The following RGS22 variants were observed in gnomAD, a reference collection of about 807,000 sequenced individuals.
RGS22 encodes regulator of G-protein signaling 22.
In RGS22, 148 loss-of-function variants were observed where a neutral mutation model predicts 172.9. The observed-to-expected ratio is 0.86, with a 90% CI of 0.75 to 0.98. RGS22 has a LOEUF of 0.98. Among genes scored for constraint, RGS22 ranks in the 50% least tolerant of loss-of-function variants. The probability of loss-of-function intolerance (pLI) is 0.00; values close to 1 mark genes in which losing one functional copy is unlikely to be tolerated. For missense variants in RGS22, 1,347 were observed against 1,440.8 expected (o/e 0.93, Z 1.05); for synonymous variants, 458 against 480.2 (o/e 0.95, Z 0.60).
chr8:99,998,446 C>T (rs1457887904), intron 19 of RGS22, among the ~76,000 whole-genome samples: 1 of 152,092 alleles, frequency 6.6e-6, no homozygotes, highest in Non-Finnish European at 1.5e-5. Context: ...TGGAACTTTC[C>T]TATAGTCCTA....
chr8:100,098,927 T>TTTA (rs59486359), intron 2 of RGS22, among the ~76,000 whole-genome samples: 1,321 of 127,626 alleles, frequency 0.01, 49 homozygotes, highest in African/African-American at 0.044. Context: ...TTTTATTTTA[T>TTTA]TTATTTTTTA....
At chr8:99,965,784 T>C (rs1473252051) in intron 23 of RGS22, among the ~76,000 whole-genome samples, 1 of 152,140 alleles carries the variant, frequency 6.6e-6, no homozygotes, top group Non-Finnish European at 1.5e-5. Context: ...AATCTTTATA[T>C]TTTATTATAT....
chr8:100,001,224 A>ATATATATATATATATACATG (rs1563597832), intron 18 of RGS22, among the ~76,000 whole-genome samples: 3 of 133,536 alleles, frequency 2.2e-5, no homozygotes, highest in Admixed American at 8.1e-5. Context: ...ATATATACAT[A>ATATATATATATATATACATG]TATATATATA....
intron 23 of RGS22, among the ~76,000 whole-genome samples, chr8:99,967,463 G>A (rs1192570678): frequency 6.6e-6 from 1 of 152,090 alleles, no homozygotes; most frequent in Admixed American, 6.5e-5. Context: ...AAGTAGCCCA[G>A]CAAGCTAAGA....
At chr8:100,014,792 T>C (rs1816776694) in intron 14 of RGS22, among the ~76,000 whole-genome samples, 1 of 152,202 alleles carries the variant, frequency 6.6e-6, no homozygotes, top group Non-Finnish European at 1.5e-5. Flanking sequence ...TTTTGTACTC[T>C]GCACTCTATC....
chr8:100,078,193 G>A (rs146488110), intron 4 of RGS22, among the ~76,000 whole-genome samples: 41 of 151,768 alleles, frequency 2.7e-4, no homozygotes, highest in African/African-American at 8.9e-4. Context: ...CTTTTACTTG[G>A]GGTGCTTACG....
intron 6 of RGS22, among the ~76,000 whole-genome samples, chr8:100,066,704 T>C (rs1810557014): frequency 6.6e-6 from 1 of 152,168 alleles, no homozygotes; most frequent in South Asian, 2.1e-4. Context: ...TCCCCCATTC[T>C]GTCTCACCTG....
intron 4 of RGS22, among the ~76,000 whole-genome samples, chr8:100,073,559 C>T (rs1811138924): frequency 6.6e-6 from 1 of 152,208 alleles, no homozygotes; most frequent in Non-Finnish European, 1.5e-5. Context: ...AGTCTCACTG[C>T]TTATCAGTGA....
Position 100,010,998 on chromosome 8 carries a change from C to T in RGS22, c.2167-2429G>A, listed in dbSNP as rs556183354. 2.0e-5 allele frequency among the ~76,000 whole-genome samples: 3 copies of T among 151,568 alleles called. No homozygotes were observed. In the South Asian group the frequency reaches 6.3e-4, roughly 32 times the overall value. ...CTAAAGATAAGTTGGAGTCAATAAT[C>T]GCACAATAGAGGAGGGTTGATGAAA... On this transcript the variant is annotated intron_variant, in intron 14 of 27. Coordinates refer to ENST00000360863, the MANE Select transcript of RGS22 (RefSeq NM_015668.5).
chr8:99,971,563 G>T (rs1400098596), intron 23 of RGS22, among the ~76,000 whole-genome samples: 1 of 152,092 alleles, frequency 6.6e-6, no homozygotes, highest in African/African-American at 2.4e-5. Context: ...AAAATTCCAA[G>T]CATTCCCATA....
At chr8:100,030,359 A>T (rs961100058) in intron 14 of RGS22, among the ~76,000 whole-genome samples, 4 of 152,166 alleles carry the variant, frequency 2.6e-5, no homozygotes, top group African/African-American at 9.7e-5. Context: ...ATTTTTTATC[A>T]TTTTTTTAGA....
chr8:100,062,327 T>A (rs1408530317), intron 9 of RGS22, among the ~76,000 whole-genome samples: 2 of 149,420 alleles, frequency 1.3e-5, no homozygotes, highest in Non-Finnish European at 3.0e-5. Context: ...AATAAATAAA[T>A]AAAACATAAA....
chr8:99,967,745 G>A (rs1230128237), intron 23 of RGS22, among the ~76,000 whole-genome samples: 1 of 152,192 alleles, frequency 6.6e-6, no homozygotes. Context: ...GGGGCTTATA[G>A]ATCAAACTCC....
intron 22 of RGS22, among the ~76,000 whole-genome samples, chr8:99,978,473 G>A (rs1812217236): frequency 6.6e-6 from 1 of 152,078 alleles, no homozygotes; most frequent in Non-Finnish European, 1.5e-5. Flanking sequence ...GTTCATCAAG[G>A]AAACTCCCTC....
intron 15 of RGS22, 34 bp downstream of exon 15, chr8:100,008,341 T>C (rs765400947): frequency 7.6e-6 from 12 of 1,579,128 alleles, no homozygotes; most frequent in Non-Finnish European, 9.5e-6. Flanking sequence ...TAAACCTGAA[T>C]GGTTTCACAC....
At chr8:100,025,067 A>T (rs1319969874) in intron 14 of RGS22, among the ~76,000 whole-genome samples, 4 of 152,148 alleles carry the variant, frequency 2.6e-5, no homozygotes, top group Admixed American at 2.0e-4. Flanking sequence ...TTTTTGGTCT[A>T]TAATCCTACA....
chr8:100,008,700 A>G, intron 14 of RGS22, 131 bp from the exon 15 acceptor site: 1 of 641,464 alleles, frequency 1.6e-6, no homozygotes, highest in Non-Finnish European at 2.6e-6. Flanking sequence ...TCTTGAAAAT[A>G]TGGGTAAAAC....
chr8:100,100,191 T>C (rs1302901826), intron 2 of RGS22, among the ~76,000 whole-genome samples: 1 of 152,226 alleles, frequency 6.6e-6, no homozygotes, highest in African/African-American at 2.4e-5. Context: ...ACCTCCTATG[T>C]ACTTTAAATC....
At chr8:100,087,577 G>A (rs1487983839) in intron 3 of RGS22, among the ~76,000 whole-genome samples, 1 of 152,060 alleles carries the variant, frequency 6.6e-6, no homozygotes, top group Non-Finnish European at 1.5e-5. Context: ...GAAACTTACC[G>A]GGTGCCAAAT....
Sources: gnomAD v4.1 joint callset for allele counts (sites outside exome capture counted in the v4.1 genomes callset) on GRCh38, gnomAD v4.1.1 for gene constraint, MANE v1.5 for transcripts, NCBI Gene and HGNC (gene_info 2026-07-23, HGNC 2026-07-21) for gene names.